TMEM38B: variants seen among roughly 807,000 people sequenced by gnomAD.
The protein encoded by TMEM38B is transmembrane protein 38B.
A neutral mutation model predicts 28.7 loss-of-function variants in TMEM38B; 24 were observed. The ratio of observed to expected loss-of-function variants is 0.84; its 90% CI spans 0.61 to 1.18. The LOEUF is 1.18. Among genes scored for constraint, TMEM38B ranks in the 50% most tolerant of loss-of-function variants. The pLI is 0.00. For synonymous variants in TMEM38B, 131 were observed against 127.7 expected, an observed-to-expected ratio of 1.03 and a Z score of -0.17; for missense variants, 380 against 350.9, an observed-to-expected ratio of 1.08 and a Z score of -0.66.
At chr9:105,719,778 T>A (rs1461239375) in intron 2 of TMEM38B, among the ~76,000 whole-genome samples, 4 of 152,142 alleles carry the variant, frequency 2.6e-5, no homozygotes, top group African/African-American at 2.4e-5. Flanking sequence ...AAAGTTAGGC[T>A]TAGTGTAAGG....
intron 1 of TMEM38B, chr9:105,701,648 G>A (rs955622765): frequency 6.6e-6 from 1 of 152,214 alleles, no homozygotes; most frequent in African/African-American, 2.4e-5. Flanking sequence ...AAACAGGTAA[G>A]TTAGTGGAAT....
At chr9:105,747,934 A>G (rs1010305274) in intron 4 of TMEM38B, 139 bp from the exon 5 acceptor site, 6 of 582,848 alleles carry the variant, frequency 1.0e-5, no homozygotes, top group Non-Finnish European at 1.5e-5. Context: ...AACACTTTTT[A>G]AAGTGTTTTA....
chr9:105,758,482 T>C, intron 5 of TMEM38B: 1 of 1,305,284 alleles, frequency 7.7e-7, no homozygotes, highest in Non-Finnish European at 1.1e-6. Flanking sequence ...GTGGATTGGC[T>C]TTATGACCTA....
chr9:105,724,423 C>T (rs1173776100), intron 4 of TMEM38B, among the ~76,000 whole-genome samples: 3 of 151,884 alleles, frequency 2.0e-5, no homozygotes, highest in Non-Finnish European at 4.4e-5. Context: ...AGGAGTTCGA[C>T]ACGAGCCTGG....
intron 4 of TMEM38B, among the ~76,000 whole-genome samples, chr9:105,744,392 G>A (rs1022791523): frequency 2.0e-5 from 3 of 151,872 alleles, no homozygotes; most frequent in Admixed American, 6.6e-5. Context: ...AACTTAGAAC[G>A]TGTTATTTTG....
At chr9:105,717,182 G>A (rs1034908530) in intron 2 of TMEM38B, among the ~76,000 whole-genome samples, 2 of 152,022 alleles carry the variant, frequency 1.3e-5, no homozygotes, top group Non-Finnish European at 2.9e-5. Flanking sequence ...TCACTTCTAT[G>A]GTCTCCTCCC....
chr9:105,764,807 C>T (rs1826307547), intron 5 of TMEM38B, among the ~76,000 whole-genome samples: 1 of 151,450 alleles, frequency 6.6e-6, no homozygotes, highest in Non-Finnish European at 1.5e-5. Flanking sequence ...AAGCTGGAGG[C>T]ATCACACTAC....
chr9:105,701,639 A>G (rs1029780427), intron 1 of TMEM38B: 2 of 152,216 alleles, frequency 1.3e-5, no homozygotes, highest in South Asian at 4.1e-4. Flanking sequence ...ATTTAGATCA[A>G]ACAGGTAAGT....
chr9:105,738,049 T>C (rs1418765496), intron 4 of TMEM38B, among the ~76,000 whole-genome samples: 4 of 152,096 alleles, frequency 2.6e-5, no homozygotes, highest in African/African-American at 4.8e-5. Context: ...CAGTAGCTAT[T>C]TGCCTACAGA....
At chr9:105,720,787 GA>G (rs1836288525) in intron 2 of TMEM38B, among the ~76,000 whole-genome samples, 1 of 152,094 alleles carries the variant, frequency 6.6e-6, no homozygotes, top group Admixed American at 6.5e-5. Context: ...AGTATTTGGA[GA>G]ATGGAGAGAA....
At position 105,775,048 on chromosome 9, in the gene TMEM38B, G is replaced by C. The variant is rs1348339061; in HGVS notation, c.*968G>C. Reference sequence around the variant, plus strand: ...TTTCCACTATGTCTTTTTTCTAGTGGCTACTGTTTTAGTTTTCTAGTTGAA... The same window carrying C: ...TTTCCACTATGTCTTTTTTCTAGTGCCTACTGTTTTAGTTTTCTAGTTGAA... On this transcript the variant is annotated 3_prime_UTR_variant, in exon 6 of 6. Transcript: ENST00000374692. 1 of 151,892 alleles carries C rather than the reference G, an allele frequency of 6.6e-6. No homozygotes were observed. The highest frequency in any genetic ancestry group is 2.4e-5 in the African/African-American group (1 of 41,384). The allele number at this position is 151,892 out of a possible 1,614,324, so 9.4% of individuals were successfully genotyped here. A position where few individuals can be genotyped will look rare whatever the true frequency, so the allele number is the denominator to read the frequency against.
chr9:105,712,896 C>T (rs1166397387), intron 2 of TMEM38B, among the ~76,000 whole-genome samples: 1 of 152,176 alleles, frequency 6.6e-6, no homozygotes, highest in Non-Finnish European at 1.5e-5. Flanking sequence ...GGGGGAGCTT[C>T]AGGTCGCCCC....
intron 4 of TMEM38B, among the ~76,000 whole-genome samples, chr9:105,742,568 A>G (rs1325406974): frequency 6.6e-6 from 1 of 152,240 alleles, no homozygotes; most frequent in African/African-American, 2.4e-5. Context: ...TTCTAAATGC[A>G]TTCTAATCTT....
At chr9:105,752,800 G>A (rs538015232) in intron 5 of TMEM38B, among the ~76,000 whole-genome samples, 1 of 152,320 alleles carries the variant, frequency 6.6e-6, no homozygotes, top group South Asian at 2.1e-4. Flanking sequence ...CAAGGGCATG[G>A]AACTAGGCTG....
chr9:105,731,470 C>T (rs373262912), intron 4 of TMEM38B, among the ~76,000 whole-genome samples: 7 of 152,134 alleles, frequency 4.6e-5, no homozygotes, highest in East Asian at 3.9e-4. Context: ...TCTCACCCCA[C>T]GACAGGCCCT....
At chr9:105,732,940 A>T (rs991124239) in intron 4 of TMEM38B, among the ~76,000 whole-genome samples, 9 of 152,140 alleles carry the variant, frequency 5.9e-5, no homozygotes, top group African/African-American at 2.2e-4. Context: ...CCTGTCCATG[A>T]GCATGGAATG....
At chr9:105,712,199 GC>G (rs1835931260) in intron 2 of TMEM38B, among the ~76,000 whole-genome samples, 1 of 152,202 alleles carries the variant, frequency 6.6e-6, no homozygotes, top group African/African-American at 2.4e-5. Context: ...ACAGGCTTGA[GC>G]CACTGTGCCC....
Sources: gnomAD v4.1 joint callset for allele counts (sites outside exome capture counted in the v4.1 genomes callset) on GRCh38, gnomAD v4.1.1 for gene constraint, MANE v1.5 for transcripts, NCBI Gene and HGNC (gene_info 2026-07-23, HGNC 2026-07-21) for gene names.